The following LCLAT1 variants were observed in gnomAD, a reference collection of about 807,000 sequenced individuals.
The protein encoded by LCLAT1 is 1-AGP acyltransferase 8.
A neutral mutation model predicts 30.7 loss-of-function variants in LCLAT1; 11 were observed. The ratio of observed to expected loss-of-function variants is 0.36; its 90% CI spans 0.23 to 0.59. The LOEUF (loss-of-function observed/expected upper bound fraction) is 0.59, where lower values mean the gene tolerates loss of function less well. Among genes scored for constraint, LCLAT1 ranks in the 20% least tolerant of loss-of-function variants. The probability of loss-of-function intolerance (pLI) is 0.77; values close to 1 mark genes in which losing one functional copy is unlikely to be tolerated. For synonymous variants in LCLAT1, 155 were observed against 151.3 expected (o/e 1.02, Z -0.18); for missense variants, 402 against 458.6 (o/e 0.88, Z 1.13).
intron 3 of LCLAT1, among the ~76,000 whole-genome samples, chr2:30,560,568 C>T (rs1054801449): frequency 6.6e-6 from 1 of 151,850 alleles, no homozygotes; most frequent in Admixed American, 6.6e-5. Context: ...GAACTGCTGA[C>T]CTCAGGTGAT....
intron 2 of LCLAT1, among the ~76,000 whole-genome samples, chr2:30,530,800 T>C (rs569860486): frequency 6.6e-6 from 1 of 152,268 alleles, no homozygotes; most frequent in South Asian, 2.1e-4. Context: ...TGCCTTAGCC[T>C]CCCAAAGTGC....
At chr2:30,587,945 A>G (rs541935131) in intron 5 of LCLAT1, among the ~76,000 whole-genome samples, 12 of 152,352 alleles carry the variant, frequency 7.9e-5, no homozygotes, top group Non-Finnish European at 1.6e-4. Flanking sequence ...TTATAATAAT[A>G]CCAAAAAGTC....
chr2:30,603,230 G>A (rs1667275563), intron 5 of LCLAT1, among the ~76,000 whole-genome samples: 1 of 151,780 alleles, frequency 6.6e-6, no homozygotes, highest in Non-Finnish European at 1.5e-5. Context: ...TTTTCTCTTT[G>A]CCACAGAGAA....
intron 3 of LCLAT1, chr2:30,552,526 T>A (rs1664726924): frequency 2.2e-6 from 1 of 450,334 alleles, no homozygotes; most frequent in South Asian, 1.6e-5. Flanking sequence ...GATACAGGCA[T>A]ACTACAACAG....
intron 3 of LCLAT1, among the ~76,000 whole-genome samples, chr2:30,545,656 CATAG>C (rs34123439): frequency 0.48 from 72,987 of 151,424 alleles, 18,826 homozygotes; most frequent in Non-Finnish European, 0.57. Flanking sequence ...AAAAATGTTT[CATAG>C]AGTTCAACTG....
intron 3 of LCLAT1, among the ~76,000 whole-genome samples, chr2:30,544,999 T>C (rs1572603429): frequency 6.6e-6 from 1 of 152,170 alleles, no homozygotes; most frequent in Non-Finnish European, 1.5e-5. Context: ...ACTTATAGAG[T>C]ATCTTACCCA....
At chr2:30,564,249 C>T (rs1665374685) in intron 4 of LCLAT1, among the ~76,000 whole-genome samples, 1 of 151,968 alleles carries the variant, frequency 6.6e-6, no homozygotes, top group African/African-American at 2.4e-5. Context: ...GAAAGCCATT[C>T]ACTGAAATGA....
At chr2:30,478,532 A>G (rs746220038) in intron 1 of LCLAT1, among the ~76,000 whole-genome samples, 2 of 152,144 alleles carry the variant, frequency 1.3e-5, no homozygotes, top group Non-Finnish European at 2.9e-5. Context: ...GTTACTTCTT[A>G]GCTGAGTGTA....
In LCLAT1 at chr2:30,626,633, T is replaced by C. The variant is rs147158999; in HGVS notation, c.629-13484T>C. Among the ~76,000 whole-genome samples, 1,016 of 152,284 alleles carry C rather than the reference T, an allele frequency of 6.7e-3. 11 individuals carry two copies. The highest frequency in any genetic ancestry group is 0.012 in the Admixed American group (186 of 15,310). On this transcript the variant is annotated intron_variant, in intron 5 of 5. Coordinates refer to ENST00000379509, the MANE Select transcript of LCLAT1 (RefSeq NM_001002257.3). ...CTGCATTTATTTTTTAGTTTTATTA[T>C]ATTAAGTACTGCTTTTTATCTTTAG...
At chr2:30,475,807 T>C (rs1683015694) in intron 1 of LCLAT1, among the ~76,000 whole-genome samples, 1 of 152,230 alleles carries the variant, frequency 6.6e-6, no homozygotes, top group African/African-American at 2.4e-5. Context: ...AAGATTTCAG[T>C]ATAATGAAAT....
At chr2:30,577,454 C>CT (rs1282580396) in intron 5 of LCLAT1, among the ~76,000 whole-genome samples, 1 of 152,036 alleles carries the variant, frequency 6.6e-6, no homozygotes, top group African/African-American at 2.4e-5. Context: ...TGTTGAGAAT[C>CT]TATCAGAAGT....
chr2:30,480,746 T>A (rs2148309507), intron 1 of LCLAT1, among the ~76,000 whole-genome samples: 1 of 152,276 alleles, frequency 6.6e-6, no homozygotes, highest in East Asian at 1.9e-4. Flanking sequence ...AGAGTGAGAC[T>A]GTTTCTGGGG....
chr2:30,614,954 G>A (rs768747489), intron 5 of LCLAT1, among the ~76,000 whole-genome samples: 58 of 152,132 alleles, frequency 3.8e-4, no homozygotes, highest in Admixed American at 9.2e-4. Flanking sequence ...ATTGGATTTG[G>A]TACATAAAGG....
At chr2:30,508,510 T>C (rs916496976) in intron 1 of LCLAT1, among the ~76,000 whole-genome samples, 3 of 152,090 alleles carry the variant, frequency 2.0e-5, no homozygotes, top group Non-Finnish European at 4.4e-5. Flanking sequence ...GAATAGGGAG[T>C]CCTTTCCCCA....
chr2:30,585,323 T>C (rs951940182), intron 5 of LCLAT1, among the ~76,000 whole-genome samples: 3 of 152,180 alleles, frequency 2.0e-5, no homozygotes, highest in African/African-American at 7.2e-5. Flanking sequence ...CATCTAAATA[T>C]AGCAACTTTT....
At chr2:30,633,136 A>G (rs888122187) in intron 5 of LCLAT1, among the ~76,000 whole-genome samples, 2 of 152,208 alleles carry the variant, frequency 1.3e-5, no homozygotes, top group African/African-American at 4.8e-5. Context: ...GTCCATGTCA[A>G]CGTGGCACAG....
rs1387033131 is a variant in LCLAT1, at chr2:30,521,773, G to C, written c.-4-3814G>C. On this transcript the variant is annotated intron_variant, in intron 1 of 5. Transcript: ENST00000379509. Reference sequence around the variant, plus strand: ...GCTCCCCTTGGCCTCCCAAAATGCTGGGATTACAGGCATGAGCCACCGCTG... The same window carrying C: ...GCTCCCCTTGGCCTCCCAAAATGCTCGGATTACAGGCATGAGCCACCGCTG... Among the ~76,000 whole-genome samples the C allele has an allele frequency of 2.0e-5, 3 of 151,834 alleles. No individual in the cohort carries two copies. In the East Asian group the frequency reaches 5.8e-4, roughly 29 times the overall value.
intron 2 of LCLAT1, 22 bp downstream of exon 2, chr2:30,525,777 A>G (rs1328957327): frequency 6.2e-7 from 1 of 1,612,358 alleles, no homozygotes; most frequent in East Asian, 2.2e-5. Flanking sequence ...ACCAGAGGAG[A>G]CTGTCTGCTT....
intron 5 of LCLAT1, among the ~76,000 whole-genome samples, chr2:30,583,564 C>A (rs1360218946): frequency 6.6e-6 from 1 of 152,180 alleles, no homozygotes; most frequent in African/African-American, 2.4e-5. Flanking sequence ...CATACTCTCA[C>A]CTTGGGGAAG....
Sources: allele counts gnomAD v4.1 joint callset (sites outside exome capture counted in the v4.1 genomes callset), GRCh38; gene constraint gnomAD v4.1.1; transcripts MANE v1.5; gene names NCBI Gene and HGNC (gene_info 2026-07-23, HGNC 2026-07-21).